The following AASS variants were observed in gnomAD, a reference collection of about 807,000 sequenced individuals.
AASS encodes aminoadipate-semialdehyde synthase, also known as alpha-aminoadipic semialdehyde synthase, mitochondrial.
AASS carries 86 observed loss-of-function variants against 105.4 expected under a neutral mutation model. The ratio of observed to expected loss-of-function variants is 0.82; its 90% CI spans 0.69 to 0.98. AASS has a LOEUF of 0.98. Ranked by LOEUF, AASS falls within the 50% of genes least tolerant of loss-of-function variation. The pLI is 0.00. For synonymous variants in AASS, 381 were observed against 394.8 expected, an observed-to-expected ratio of 0.96 and a Z score of 0.41; for missense variants, 1,048 against 1,143.2, an observed-to-expected ratio of 0.92 and a Z score of 1.20.
intron 19 of AASS, among the ~76,000 whole-genome samples, chr7:122,084,660 G>T (rs1793537646): frequency 6.6e-6 from 1 of 152,200 alleles, no homozygotes; most frequent in Admixed American, 6.6e-5. Context: ...CCCGAAGGAG[G>T]ATGATACAAA....
At chr7:122,100,493 C>T (rs192846598) in intron 13 of AASS, among the ~76,000 whole-genome samples, 24 of 151,984 alleles carry the variant, frequency 1.6e-4, no homozygotes, top group Middle Eastern at 3.4e-3. Context: ...CAAACCAGCA[C>T]ATATGGAAAA....
intron 15 of AASS, among the ~76,000 whole-genome samples, chr7:122,095,449 T>C (rs1209306492): frequency 2.0e-5 from 3 of 151,898 alleles, no homozygotes; most frequent in Non-Finnish European, 2.9e-5. Flanking sequence ...ATTTAATTTG[T>C]TTTTTAATGC....
rs1225147521 is a variant in AASS, at chr7:122,077,936, G to A, written c.2564C>T (p.Thr855Met). 1 of 1,614,144 alleles carries A rather than the reference G, an allele frequency of 6.2e-7. No homozygotes were observed. Among genetic ancestry groups the A allele is most frequent in the Non-Finnish European group, 8.5e-7 (1 of 1,180,014 alleles). ...RHPSGHLEHK[T>M]IDLVAYGDIN... Reference sequence around the variant, plus strand: ...GTCCCCATAAGCCACAAGATCAATCGTTTTATGTTCTAAATGTCCAGAAGG... The same window carrying A: ...GTCCCCATAAGCCACAAGATCAATCATTTTATGTTCTAAATGTCCAGAAGG... Residue 855 changes from threonine (T) to methionine (M), a missense_variant, in exon 23 of 24, where the codon ACG becomes ATG. By Grantham distance (81) the Thr-to-Met change is moderately conservative (BLOSUM62 -1). Transcript: ENST00000417368.
chr7:122,090,252 T>A (rs1291281782), intron 18 of AASS, among the ~76,000 whole-genome samples: 1 of 152,182 alleles, frequency 6.6e-6, no homozygotes. Context: ...AGTGTCCTGC[T>A]TGTTTAGTAC....
intron 11 of AASS, among the ~76,000 whole-genome samples, chr7:122,107,730 A>G (rs1794731178): frequency 1.3e-5 from 2 of 152,108 alleles, no homozygotes. Context: ...GGGGAACAAC[A>G]CACACTGGGG....
rs1403480658 is a variant in AASS at position 122,086,014 on chromosome 7, T to C, written c.2182A>G (p.Lys728Glu). 3 of 1,613,448 alleles carry C rather than the reference T, an allele frequency of 1.9e-6. No individual in the cohort carries two copies. Among genetic ancestry groups the C allele is most frequent in the Non-Finnish European group, 2.5e-6 (3 of 1,179,570 alleles). The change falls in exon 19 of 24, where the codon AAG becomes GAG. Residue 728 changes from lysine (K) to glutamate (E), a missense_variant and splice_region_variant. Lys to Glu is a moderately conservative substitution (Grantham distance 56). Transcript: ENST00000417368. ...HTLLRGTLRY[K>E]GYMKALNGFV... The stretch of plus-strand genomic sequence containing the variant: ...GAATCTAAAGTCCAGCTGCTTACCT[T>C]ATATCTCAGTGTCCCCCGCAACAAA...
chr7:122,139,791 A>C (rs1796303933), intron 1 of AASS, among the ~76,000 whole-genome samples: 1 of 152,068 alleles, frequency 6.6e-6, no homozygotes, highest in African/African-American at 2.4e-5. Context: ...ATCTCTACTA[A>C]AAATACAAAA....
intron 11 of AASS, among the ~76,000 whole-genome samples, chr7:122,112,020 A>G (rs1388496171): frequency 6.6e-6 from 1 of 152,202 alleles, no homozygotes; most frequent in African/African-American, 2.4e-5. Flanking sequence ...TTATAAAGCA[A>G]GTTGATATCT....
chr7:122,120,547 A>G (rs1279489858), intron 4 of AASS, among the ~76,000 whole-genome samples: 1 of 151,658 alleles, frequency 6.6e-6, no homozygotes, highest in Non-Finnish European at 1.5e-5. Context: ...TTCCTGTTTT[A>G]GTTTGATTAA....
At chr7:122,091,884 C>T (rs1793920844) in intron 17 of AASS, 41 bp from the exon 18 acceptor site, 1 of 1,384,766 alleles carries the variant, frequency 7.2e-7, no homozygotes, top group South Asian at 1.2e-5. Flanking sequence ...GAATTCACAA[C>T]TTAGAGAATG....
At chr7:122,100,616 C>T (rs1562920960) in intron 13 of AASS, among the ~76,000 whole-genome samples, 2 of 151,762 alleles carry the variant, frequency 1.3e-5, no homozygotes, top group East Asian at 3.9e-4. Context: ...ACTCTGGTTT[C>T]TCCTGATACT....
rs201469892 is a variant in AASS at position 122,086,155 on chromosome 7, A to C, written c.2041T>G (p.Ser681Ala). 1.2e-6 allele frequency: 2 copies of C among 1,613,518 alleles called. No homozygotes were observed. Among genetic ancestry groups the C allele is most frequent in the East Asian group, 4.5e-5 (2 of 44,840 alleles). Reference protein sequence around the residue: ...GKVVNVAGGISFLDAVTSMDF... With the variant: ...GKVVNVAGGIAFLDAVTSMDF... ...ATGGACGTAACGGCATCAAGAAAGG[A>C]GATGCCTCCTGCAACATTCACAACC... is the stretch of plus-strand genomic sequence containing the variant. Residue 681 changes from serine (S) to alanine (A), a missense_variant, in exon 19 of 24, where the codon TCC (serine) becomes GCC (alanine). Ser to Ala is a moderately conservative substitution (Grantham distance 99, BLOSUM62 1). Coordinates refer to ENST00000417368, the MANE Select transcript of AASS (RefSeq NM_005763.4).
chr7:122,092,301 G>T (rs1175711311), intron 17 of AASS, among the ~76,000 whole-genome samples: 1 of 151,930 alleles, frequency 6.6e-6, no homozygotes. Flanking sequence ...GATACCCAAA[G>T]ATTCTTCTTA....
intron 2 of AASS, among the ~76,000 whole-genome samples, chr7:122,131,975 A>G (rs1379175973): frequency 1.3e-5 from 2 of 152,152 alleles, no homozygotes; most frequent in South Asian, 2.1e-4. Context: ...ATTGAATGAA[A>G]AAGGTCCATG....
intron 11 of AASS, among the ~76,000 whole-genome samples, chr7:122,112,223 AG>A (rs1236842521): frequency 6.6e-6 from 1 of 152,244 alleles, no homozygotes; most frequent in Non-Finnish European, 1.5e-5. Context: ...GGTTTTCATG[AG>A]TACTTAAAAT....
chr7:122,077,575 G>C (rs770939882), intron 23 of AASS, among the ~76,000 whole-genome samples: 3 of 152,162 alleles, frequency 2.0e-5, no homozygotes, highest in South Asian at 4.1e-4. Context: ...GGAAACTCTT[G>C]CTCAAAGGTG....
intron 19 of AASS, chr7:122,082,941 G>A (rs1793440577): frequency 1.8e-6 from 2 of 1,106,078 alleles, no homozygotes; most frequent in South Asian, 2.6e-5. Context: ...AATAGATGAA[G>A]TGAAGAAAGA....
intron 11 of AASS, among the ~76,000 whole-genome samples, chr7:122,103,759 T>A (rs1231474949): frequency 6.6e-6 from 1 of 151,878 alleles, no homozygotes; most frequent in Non-Finnish European, 1.5e-5. Context: ...GAAATATGAA[T>A]ATATGTACAT....
chr7:122,096,046 AG>A (rs1329289111), intron 15 of AASS, among the ~76,000 whole-genome samples: 2 of 152,134 alleles, frequency 1.3e-5, no homozygotes, highest in East Asian at 1.9e-4. Flanking sequence ...AATATGATAC[AG>A]TAAGCACTCA....
Sources: gnomAD v4.1 joint callset for allele counts (sites outside exome capture counted in the v4.1 genomes callset) on GRCh38, gnomAD v4.1.1 for gene constraint, MANE v1.5 for transcripts, NCBI Gene and HGNC (gene_info 2026-07-23, HGNC 2026-07-21) for gene names.